Variants in MYO1D observed in about 807,000 individuals in gnomAD.
The protein encoded by MYO1D is unconventional myosin-Id.
Under a neutral mutation model 122.0 loss-of-function variants are expected in MYO1D, and 83 were observed. The ratio of observed to expected loss-of-function variants is 0.68; its 90% CI spans 0.57 to 0.82. The LOEUF (loss-of-function observed/expected upper bound fraction) is 0.82. Ranked by LOEUF, MYO1D falls within the 40% of genes least tolerant of loss-of-function variation. The pLI, the probability that MYO1D is intolerant of heterozygous loss-of-function variation, is 0.00. For synonymous variants in MYO1D, 464 were observed against 446.9 expected, an observed-to-expected ratio of 1.04 and a Z score of -0.48; for missense variants, 1,157 against 1,269.5, an observed-to-expected ratio of 0.91 and a Z score of 1.35.
chr17:32,742,844 A>G (rs1416767994), intron 13 of MYO1D, among the ~76,000 whole-genome samples: 1 of 152,180 alleles, frequency 6.6e-6, no homozygotes, highest in Non-Finnish European at 1.5e-5. Context: ...AACAGTTTAA[A>G]CACAATGTCT....
At chr17:32,721,311 T>C (rs1222416910) in intron 14 of MYO1D, 122 bp from the exon 15 acceptor site, 1 of 880,570 alleles carries the variant, frequency 1.1e-6, no homozygotes, top group Non-Finnish European at 1.8e-6. Context: ...TTCTCAGGCA[T>C]ACACTTGTGA....
In MYO1D at chr17:32,659,508, C is replaced by T. The variant is rs74829040; in HGVS notation, c.2122-170G>A. 3 of 624,770 alleles carry T rather than the reference C, an allele frequency of 4.8e-6. No individual in the cohort carries two copies. The East Asian group carries it at 8.3e-5, about 17-fold the overall frequency. 38.7% of individuals were successfully genotyped at this position (624,770 alleles called of 1,614,324 possible). On this transcript the variant is annotated intron_variant, in intron 16 of 21. Coordinates refer to ENST00000318217, the MANE Select transcript of MYO1D (RefSeq NM_015194.3). ...AGTTCCACCTGCCACCAACAGATGG[C>T]GTGGGGAGTCACATCAGTCATTTTG...
intron 1 of MYO1D, among the ~76,000 whole-genome samples, chr17:32,861,931 T>C (rs572053551): frequency 1.3e-5 from 2 of 152,260 alleles, no homozygotes; most frequent in East Asian, 3.9e-4. Context: ...GATAGGAGAA[T>C]AGCTTGAGCC....
At chr17:32,745,180 CTA>C (rs1290763331) in intron 13 of MYO1D, 29 bp downstream of exon 13, 1 of 1,208,560 alleles carries the variant, frequency 8.3e-7, no homozygotes, top group Non-Finnish European at 1.2e-6. Context: ...TGAGCTTAAT[CTA>C]GAGTTAATTA....
intron 20 of MYO1D, among the ~76,000 whole-genome samples, chr17:32,614,382 A>C (rs1346888848): frequency 6.6e-6 from 1 of 152,062 alleles, no homozygotes; most frequent in Non-Finnish European, 1.5e-5. Flanking sequence ...TTTTGGATGT[A>C]CTATTCAACT....
intron 20 of MYO1D, among the ~76,000 whole-genome samples, chr17:32,613,385 CAA>C (rs1808897472): frequency 6.6e-6 from 1 of 152,078 alleles, no homozygotes; most frequent in South Asian, 2.1e-4. Flanking sequence ...AATACAGATG[CAA>C]AATCCAAAAT....
Position 32,767,668 on chromosome 17 carries a change from CTGTT to C in MYO1D, c.795_798del (p.Thr266CysfsTer14), listed in dbSNP as rs1257061673. On this transcript the variant is annotated frameshift_variant, in exon 7 of 22. Coordinates refer to ENST00000318217, the MANE Select transcript of MYO1D (RefSeq NM_015194.3). LOFTEE classifies it high-confidence loss of function. Reference sequence around the variant, plus strand: ...AGAATAGCAGCCAAAATCTTATACACTGTTTGGATCTCCTCAGGTTTGAAGCCAA... The same window carrying C: ...AGAATAGCAGCCAAAATCTTATACACTGGATCTCCTCAGGTTTGAAGCCAA... 8 of 1,613,432 alleles carry C rather than the reference CTGTT, an allele frequency of 5.0e-6. No homozygotes were observed. Among genetic ancestry groups the C allele is most frequent in the Middle Eastern group, 1.7e-4 (1 of 6,060 alleles).
intron 21 of MYO1D, chr17:32,529,575 T>G (rs889056007): frequency 6.5e-6 from 1 of 152,934 alleles, no homozygotes; most frequent in Non-Finnish European, 1.5e-5. Flanking sequence ...GGGTGTGCTT[T>G]GTGGATGTGG....
chr17:32,731,095 G>A (rs899580693), intron 14 of MYO1D, among the ~76,000 whole-genome samples: 1 of 152,040 alleles, frequency 6.6e-6, no homozygotes, highest in South Asian at 2.1e-4. Flanking sequence ...TTTTAGTAGA[G>A]ACAGGGTTTC....
intron 20 of MYO1D, among the ~76,000 whole-genome samples, chr17:32,632,851 C>A (rs1261456563): frequency 6.6e-6 from 1 of 152,006 alleles, no homozygotes; most frequent in African/African-American, 2.4e-5. Context: ...ACAAGGATAT[C>A]TAACAGACCA....
intron 21 of MYO1D, among the ~76,000 whole-genome samples, chr17:32,560,085 A>G (rs892041532): frequency 2.0e-5 from 3 of 151,990 alleles, no homozygotes; most frequent in Admixed American, 6.6e-5. Context: ...TGAAACCCCC[A>G]TCTCTACTAA....
chr17:32,530,467 C>T (rs1212132153), intron 21 of MYO1D, among the ~76,000 whole-genome samples: 2 of 152,174 alleles, frequency 1.3e-5, no homozygotes, highest in Admixed American at 6.5e-5. Flanking sequence ...CATTGTGGTG[C>T]ATCAGGACAC....
intron 21 of MYO1D, among the ~76,000 whole-genome samples, chr17:32,593,912 G>A (rs1455544812): frequency 2.6e-5 from 4 of 152,220 alleles, no homozygotes; most frequent in South Asian, 2.1e-4. Context: ...ACTCTAGCCC[G>A]GGTGACAGTG....
chr17:32,645,052 A>G (rs936931435), intron 19 of MYO1D, among the ~76,000 whole-genome samples: 2 of 152,136 alleles, frequency 1.3e-5, no homozygotes, highest in Non-Finnish European at 2.9e-5. Flanking sequence ...GGCTGGTACC[A>G]GTTGTTCCTT....
chr17:32,861,513 A>C (rs1335459632), intron 1 of MYO1D, among the ~76,000 whole-genome samples: 2 of 152,204 alleles, frequency 1.3e-5, no homozygotes, highest in Non-Finnish European at 2.9e-5. Flanking sequence ...GATAGTTAAA[A>C]ATGTGTTGTC....
chr17:32,758,618 T>C (rs1388341076), intron 10 of MYO1D, among the ~76,000 whole-genome samples: 1 of 152,176 alleles, frequency 6.6e-6, no homozygotes, highest in Non-Finnish European at 1.5e-5. Flanking sequence ...AGACTGGCAA[T>C]CAACTGGTAC....
intron 1 of MYO1D, among the ~76,000 whole-genome samples, chr17:32,864,008 T>C (rs1212674936): frequency 9.3e-5 from 2 of 21,526 alleles, no homozygotes; most frequent in South Asian, 1.9e-3. Context: ...CATTTCTTCC[T>C]TTTTTTTTTT....
At chr17:32,853,183 G>A (rs964154865) in intron 1 of MYO1D, among the ~76,000 whole-genome samples, 2 of 152,038 alleles carry the variant, frequency 1.3e-5, no homozygotes, top group Middle Eastern at 3.2e-3. Context: ...TGAAAACCAC[G>A]CCTCTGTGTC....
At chr17:32,794,685 C>T (rs1191100482) in intron 1 of MYO1D, among the ~76,000 whole-genome samples, 2 of 151,934 alleles carry the variant, frequency 1.3e-5, no homozygotes, top group Admixed American at 6.6e-5. Flanking sequence ...AGGGAAGCAG[C>T]AGTGTTTGAG....
Sources: gnomAD v4.1 joint callset for allele counts (sites outside exome capture counted in the v4.1 genomes callset) on GRCh38, gnomAD v4.1.1 for gene constraint, MANE v1.5 for transcripts, NCBI Gene and HGNC (gene_info 2026-07-23, HGNC 2026-07-21) for gene names.